Variants in LINGO2 observed in about 807,000 individuals in gnomAD.
The protein encoded by LINGO2 is leucine-rich repeat and immunoglobulin-like domain-containing nogo receptor-interacting protein 2.
Under a neutral mutation model 30.6 loss-of-function variants are expected in LINGO2, and 14 were observed. The observed-to-expected ratio is 0.46, with a 90% CI of 0.30 to 0.72. The LOEUF (loss-of-function observed/expected upper bound fraction) is 0.72. LINGO2 is among the 30% of genes least tolerant of loss of function. LINGO2 has a pLI of 0.07. For synonymous variants in LINGO2, 317 were observed against 288.5 expected (o/e 1.10, Z -1.00); for missense variants, 729 against 751.7 (o/e 0.97, Z 0.35).
chr9:28,866,233 C>A, the LINGO2 span, among the ~76,000 whole-genome samples: 2 of 152,114 alleles, frequency 1.3e-5, no homozygotes, highest in African/African-American at 4.8e-5. Context: ...TTTTCAAACT[C>A]TTGCACTATT....
intron 2 of LINGO2, among the ~76,000 whole-genome samples, chr9:28,430,968 C>A: frequency 6.7e-6 from 1 of 148,864 alleles, no homozygotes; most frequent in Non-Finnish European, 1.5e-5. Flanking sequence ...CCTTGTATAC[C>A]AATGGACCTC....
At chr9:28,005,918 G>T (rs898873410) in intron 5 of LINGO2, among the ~76,000 whole-genome samples, 1 of 151,988 alleles carries the variant, frequency 6.6e-6, no homozygotes, top group Non-Finnish European at 1.5e-5. Flanking sequence ...TTCTATTAAA[G>T]CCATTAATGG....
At chr9:28,447,937 C>T (rs979952176) in intron 2 of LINGO2, among the ~76,000 whole-genome samples, 2 of 152,046 alleles carry the variant, frequency 1.3e-5, no homozygotes, top group Non-Finnish European at 2.9e-5. Context: ...GGATTATGGT[C>T]ATAGTGGATG....
the LINGO2 span, among the ~76,000 whole-genome samples, chr9:28,834,036 T>C: frequency 2.7e-5 from 4 of 150,908 alleles, no homozygotes; most frequent in Non-Finnish European, 4.4e-5. Flanking sequence ...TTTTTTTTTC[T>C]TGTTCCTTTT....
At chr9:28,474,926 A>T (rs1445984615) in intron 2 of LINGO2, among the ~76,000 whole-genome samples, 2 of 152,182 alleles carry the variant, frequency 1.3e-5, no homozygotes, top group African/African-American at 4.8e-5. Flanking sequence ...TAAGAATAAA[A>T]ATATAAATCT....
chr9:28,081,335 A>G (rs1056994971), intron 4 of LINGO2, among the ~76,000 whole-genome samples: 1 of 151,968 alleles, frequency 6.6e-6, no homozygotes, highest in African/African-American at 2.4e-5. Flanking sequence ...ATTCACATCT[A>G]TCTAATAGAC....
At chr9:28,131,852 G>A (rs898171812) in intron 4 of LINGO2, among the ~76,000 whole-genome samples, 9 of 152,034 alleles carry the variant, frequency 5.9e-5, no homozygotes, top group African/African-American at 2.2e-4. Context: ...GAAAGAAGAA[G>A]GCTCAATATA....
At chr9:29,069,610 A>T in the LINGO2 span, among the ~76,000 whole-genome samples, 1 of 151,996 alleles carries the variant, frequency 6.6e-6, no homozygotes, top group Non-Finnish European at 1.5e-5. Flanking sequence ...AAAAGTAGTC[A>T]CTATGCTATC....
the LINGO2 span, among the ~76,000 whole-genome samples, chr9:29,092,526 T>C: frequency 1.3e-5 from 2 of 152,046 alleles, no homozygotes; most frequent in South Asian, 4.1e-4. Context: ...TTCAACTAAC[T>C]TAACTCATAC....
chr9:28,830,862 G>A, the LINGO2 span, among the ~76,000 whole-genome samples: 6 of 149,154 alleles, frequency 4.0e-5, no homozygotes, highest in African/African-American at 1.5e-4. Flanking sequence ...ATGCACACAT[G>A]CATGTTCACT....
the LINGO2 span, among the ~76,000 whole-genome samples, chr9:28,698,666 C>G: frequency 1.3e-5 from 2 of 151,838 alleles, no homozygotes; most frequent in South Asian, 2.1e-4. Flanking sequence ...AGGTTAGTTT[C>G]ACAATAACAT....
chr9:28,743,261 T>C, the LINGO2 span, among the ~76,000 whole-genome samples: 1 of 152,044 alleles, frequency 6.6e-6, no homozygotes, highest in African/African-American at 2.4e-5. Context: ...GGTATACACG[T>C]GCCGTGGTGG....
intron 2 of LINGO2, among the ~76,000 whole-genome samples, chr9:28,449,699 A>C (rs1824572092): frequency 6.6e-6 from 1 of 152,036 alleles, no homozygotes; most frequent in African/African-American, 2.4e-5. Flanking sequence ...TAAAAGGCAG[A>C]CTTGGAATGT....
chr9:29,208,167 C>G, the LINGO2 span, among the ~76,000 whole-genome samples: 1 of 151,838 alleles, frequency 6.6e-6, no homozygotes, highest in African/African-American at 2.4e-5. Flanking sequence ...AATTGGGTAA[C>G]TGACCTGACA....
chr9:28,819,980 G>T, the LINGO2 span, among the ~76,000 whole-genome samples: 1 of 152,038 alleles, frequency 6.6e-6, no homozygotes, highest in East Asian at 1.9e-4. Context: ...TCAAATGGTC[G>T]TATTCTGCTT....
chr9:28,900,364 G>A, the LINGO2 span, among the ~76,000 whole-genome samples: 2 of 152,170 alleles, frequency 1.3e-5, no homozygotes, highest in African/African-American at 4.8e-5. Flanking sequence ...GAAGACTCAT[G>A]TGTAGCCTTA....
At chr9:27,944,596 A>G (rs1041621526), downstream of LINGO2, 14 of 152,208 alleles carry the variant, frequency 9.2e-5, no homozygotes, top group African/African-American at 3.1e-4. Flanking sequence ...CAAACTCCTC[A>G]ATCAGAAAAA....
chr9:28,005,550 T>A (rs909680438), intron 5 of LINGO2, among the ~76,000 whole-genome samples: 4 of 152,148 alleles, frequency 2.6e-5, no homozygotes, highest in African/African-American at 9.7e-5. Context: ...CAAATTGATA[T>A]ACTTATTTTT....
chr9:28,107,015 T>C (rs1826614067), intron 4 of LINGO2, among the ~76,000 whole-genome samples: 1 of 152,160 alleles, frequency 6.6e-6, no homozygotes. Context: ...TCCATGCACC[T>C]CTCCCCCATT....
Sources: gnomAD v4.1 joint callset for allele counts (sites outside exome capture counted in the v4.1 genomes callset) on GRCh38, gnomAD v4.1.1 for gene constraint, MANE v1.5 for transcripts, NCBI Gene and HGNC (gene_info 2026-07-23, HGNC 2026-07-21) for gene names.